Variants in ZNF177 observed in about 807,000 individuals in gnomAD.
ZNF177 encodes zinc finger protein 177.
Under a neutral mutation model 19.4 loss-of-function variants are expected in ZNF177, and 17 were observed. The observed-to-expected ratio is 0.87, with a 90% CI of 0.60 to 1.31. The LOEUF is 1.31. Among genes scored for constraint, ZNF177 ranks in the 40% most tolerant of loss-of-function variants. ZNF177 has a pLI of 0.00. For missense variants in ZNF177, 633 were observed against 561.8 expected (o/e 1.13, Z -1.28); for synonymous variants, 220 against 188.7 (o/e 1.17, Z -1.36).
upstream of ZNF177, among the ~76,000 whole-genome samples, chr19:9,373,362 C>T (rs1211631605): frequency 6.6e-6 from 1 of 152,164 alleles, no homozygotes; most frequent in South Asian, 2.1e-4. Context: ...TCGACAAACA[C>T]GTTGTTTCCA....
upstream of ZNF177, among the ~76,000 whole-genome samples, chr19:9,374,928 T>TA (rs1208292874): frequency 6.6e-6 from 1 of 152,206 alleles, no homozygotes. Context: ...TTCCCAATCT[T>TA]AGAGGAAAAG....
At chr19:9,378,664 C>T in intron 2 of ZNF177, 1 of 550,578 alleles carries the variant, frequency 1.8e-6, no homozygotes, top group Non-Finnish European at 3.1e-6. Context: ...CCTGTCTATA[C>T]TGGATCTGAA....
intron 2 of ZNF177, among the ~76,000 whole-genome samples, chr19:9,367,252 T>C (rs145428875): frequency 1.2e-3 from 186 of 151,954 alleles, no homozygotes; most frequent in African/African-American, 4.1e-3. Context: ...CCTGGCGAGG[T>C]TGCAGTGAGC....
upstream of ZNF177, among the ~76,000 whole-genome samples, chr19:9,372,786 A>G (rs912034891): frequency 8.6e-5 from 13 of 151,842 alleles, no homozygotes; most frequent in Admixed American, 3.3e-4. Flanking sequence ...ACCTCAAGCA[A>G]TCCACCCACC....
chr19:9,377,775 A>G (rs983616575), intron 1 of ZNF177, among the ~76,000 whole-genome samples: 1 of 152,134 alleles, frequency 6.6e-6, no homozygotes, highest in African/African-American at 2.4e-5. Context: ...GCTCACCTTT[A>G]TGGTCCTTAT....
exon 6 of ZNF177, chr19:9,380,780 A>G: frequency 6.5e-7 from 1 of 1,536,142 alleles, no homozygotes; most frequent in Non-Finnish European, 8.7e-7. Flanking sequence ...TGCTATAAAT[A>G]TATAAAGTAT....
At chr19:9,372,115 AT>A (rs1004485937), upstream of ZNF177, among the ~76,000 whole-genome samples, 1 of 152,100 alleles carries the variant, frequency 6.6e-6, no homozygotes, top group Non-Finnish European at 1.5e-5. Flanking sequence ...TGTATATAAG[AT>A]TTTTTCTCAA....
intron 2 of ZNF177, among the ~76,000 whole-genome samples, chr19:9,366,422 A>AT (rs1274619953): frequency 6.6e-6 from 1 of 151,714 alleles, no homozygotes; most frequent in Non-Finnish European, 1.5e-5. Flanking sequence ...AAGCCTGGCT[A>AT]TTTTTTTAAA....
At chr19:9,379,015 A>T (rs377051407) in exon 3 of ZNF177, 1 of 1,610,826 alleles carries the variant, frequency 6.2e-7, no homozygotes, top group Non-Finnish European at 8.5e-7. Flanking sequence ...AGGAGTGGGC[A>T]TTGCTGGACC....
intron 2 of ZNF177, among the ~76,000 whole-genome samples, chr19:9,366,546 C>T (rs1431555622): frequency 1.3e-5 from 2 of 152,176 alleles, no homozygotes; most frequent in African/African-American, 4.8e-5. Flanking sequence ...CATGAGTCAC[C>T]ATGCCTGGCC....
At chr19:9,378,591 A>C in intron 2 of ZNF177, 1 of 617,746 alleles carries the variant, frequency 1.6e-6, no homozygotes, top group South Asian at 2.4e-5. Flanking sequence ...GCTGTAAAGA[A>C]AGACTTTTAC....
At chr19:9,378,693 C>A (rs978863610) in intron 2 of ZNF177, 1 of 554,434 alleles carries the variant, frequency 1.8e-6, no homozygotes, top group Non-Finnish European at 3.0e-6. Flanking sequence ...AAAGAGTCCT[C>A]ACAACCTAAC....
chr19:9,380,979 C>T (rs965225822), exon 6 of ZNF177: 9 of 1,549,602 alleles, frequency 5.8e-6, no homozygotes, highest in Non-Finnish European at 7.8e-6. Flanking sequence ...TCAGCCTACA[C>T]TCTTCCTGCT....
intron 2 of ZNF177, among the ~76,000 whole-genome samples, chr19:9,371,204 G>A (rs191680330): frequency 4.6e-5 from 7 of 152,100 alleles, no homozygotes; most frequent in Non-Finnish European, 8.8e-5. Flanking sequence ...AAAGTCTGAC[G>A]TTCCCTGATT....
At chr19:9,376,520 T>C (rs1017475955) in intron 1 of ZNF177, 97 bp downstream of exon 3, 1 of 152,252 alleles carries the variant, frequency 6.6e-6, no homozygotes, top group African/African-American at 2.4e-5. Flanking sequence ...TGTGATTTGA[T>C]GACTTTCTGT....
At chr19:9,380,764 G>A (rs1568385117) in exon 6 of ZNF177, 2 of 1,536,108 alleles carry the variant, frequency 1.3e-6, no homozygotes, top group South Asian at 2.4e-5. Context: ...TTGCAAGGGA[G>A]AGAAATGCTA....
At chr19:9,366,757 TA>T (rs1015026145) in intron 2 of ZNF177, among the ~76,000 whole-genome samples, 23 of 152,186 alleles carry the variant, frequency 1.5e-4, no homozygotes, top group African/African-American at 5.1e-4. Flanking sequence ...AATCTTCTGG[TA>T]AAATGCTAGG....
intron 3 of ZNF177, 69 bp from the exon 6 acceptor site, chr19:9,379,458 G>C: frequency 6.5e-7 from 1 of 1,539,520 alleles, no homozygotes; most frequent in Non-Finnish European, 8.8e-7. Context: ...GCCAAAGTAT[G>C]GCAATCAGTT....
intron 1 of ZNF177, among the ~76,000 whole-genome samples, chr19:9,363,480 T>A (rs1465533706): frequency 6.6e-6 from 1 of 152,238 alleles, no homozygotes; most frequent in Non-Finnish European, 1.5e-5. Context: ...ATCGTCCCTT[T>A]TTTTCCCCTC....
Sources: allele counts gnomAD v4.1 joint callset (sites outside exome capture counted in the v4.1 genomes callset), GRCh38; gene constraint gnomAD v4.1.1; transcripts MANE v1.5; gene names NCBI Gene and HGNC (gene_info 2026-07-23, HGNC 2026-07-21).